SPEF2: variants seen among roughly 807,000 people sequenced by gnomAD.
SPEF2 encodes sperm flagella and cilia-associated protein 2.
SPEF2 carries 187 observed loss-of-function variants against 224.6 expected under a neutral mutation model. The observed-to-expected ratio is 0.83, with a 90% CI of 0.74 to 0.94. The LOEUF is 0.94. Ranked by LOEUF, SPEF2 falls within the 40% of genes least tolerant of loss-of-function variation. SPEF2 has a pLI of 0.00. For missense variants in SPEF2, 2,170 were observed against 2,135.6 expected (o/e 1.02, Z -0.32); for synonymous variants, 715 against 707.3 (o/e 1.01, Z -0.17).
At chr5:35,769,435 C>A (rs58062754) in intron 26 of SPEF2, among the ~76,000 whole-genome samples, 49,781 of 151,318 alleles carry the variant, frequency 0.33, 8,268 homozygotes, top group African/African-American at 0.34. Flanking sequence ...ACAAAAAAAA[C>A]CACAAAGAAA....
intron 10 of SPEF2, among the ~76,000 whole-genome samples, chr5:35,680,339 T>A (rs1333593887): frequency 6.6e-6 from 1 of 152,232 alleles, no homozygotes. Flanking sequence ...TTTTGCTAGC[T>A]TCTGTCTATG....
rs1166207334 is a variant in SPEF2 at position 35,764,627 on chromosome 5, A to G, written c.3801+925A>G. The G allele has an allele frequency of 2.0e-5, 9 of 456,100 alleles. No homozygotes were observed. In the Admixed American group the frequency reaches 2.1e-4, roughly 11 times the overall value. 28.3% of individuals were successfully genotyped at this position (456,100 alleles called of 1,614,324 possible). ...CATGAAATATCGCATTCAAACAGAA[A>G]GCAGCATCAACTTTCCAAAAGATTT... On this transcript the variant is annotated intron_variant, in intron 26 of 36. Coordinates refer to ENST00000356031, the MANE Select transcript of SPEF2 (RefSeq NM_024867.4).
chr5:35,618,184 C>G, intron 1 of SPEF2, 129 bp downstream of exon 1: 1 of 973,112 alleles, frequency 1.0e-6, no homozygotes, highest in East Asian at 2.6e-5. Context: ...CCTGCGTAGC[C>G]GGCAGCATCC....
intron 16 of SPEF2, among the ~76,000 whole-genome samples, chr5:35,703,612 T>C (rs1266882490): frequency 2.0e-5 from 3 of 151,364 alleles, no homozygotes; most frequent in Non-Finnish European, 4.4e-5. Context: ...GGTTGGGAGG[T>C]TGGAGAGAGA....
intron 25 of SPEF2, 61 bp downstream of exon 25, chr5:35,759,780 AT>A (rs1221885390): frequency 7.2e-7 from 1 of 1,388,026 alleles, no homozygotes; most frequent in African/African-American, 1.4e-5. Flanking sequence ...GTGATTTAAA[AT>A]TAATTACCAC....
At chr5:35,761,240 TA>T (rs1751243758) in intron 25 of SPEF2, among the ~76,000 whole-genome samples, 1 of 152,208 alleles carries the variant, frequency 6.6e-6, no homozygotes, top group Non-Finnish European at 1.5e-5. Context: ...TGTATGTAAA[TA>T]AATTAAGACA....
intron 8 of SPEF2, among the ~76,000 whole-genome samples, chr5:35,659,549 C>T (rs1749422930): frequency 6.6e-6 from 1 of 152,114 alleles, no homozygotes; most frequent in Non-Finnish European, 1.5e-5. Context: ...ACCATATTCC[C>T]TGAGTTCTTA....
At chr5:35,643,529 GA>G in intron 3 of SPEF2, 1 of 456,002 alleles carries the variant, frequency 2.2e-6, no homozygotes, top group Non-Finnish European at 4.4e-6. Context: ...TATCAGTTGA[GA>G]AAAAGAGTCA....
chr5:35,663,632 A>G (rs1215228157), intron 8 of SPEF2, among the ~76,000 whole-genome samples: 1 of 152,154 alleles, frequency 6.6e-6, no homozygotes, highest in Non-Finnish European at 1.5e-5. Flanking sequence ...TTTCTACTGC[A>G]GTACTACTAC....
intron 29 of SPEF2, 29 bp from the exon 30 acceptor site, chr5:35,779,088 G>T (rs771478514): frequency 1.3e-6 from 2 of 1,545,766 alleles, no homozygotes; most frequent in Non-Finnish European, 1.8e-6. Context: ...CTTTCATGGG[G>T]TTAACGCTAT....
chr5:35,740,357 G>A lies in SPEF2; in HGVS notation c.3330+90G>A, dbSNP rs1580530716. On this transcript the variant is annotated intron_variant, in intron 23 of 36. Coordinates refer to ENST00000356031, the MANE Select transcript of SPEF2 (RefSeq NM_024867.4). Reference sequence around the variant, plus strand: ...CAACTCATTTGCTCCTTACTTTTGTGAAGTATGAGGATGAGAAAGAAAATG... The same window carrying A: ...CAACTCATTTGCTCCTTACTTTTGTAAAGTATGAGGATGAGAAAGAAAATG... The A allele has an allele frequency of 5.3e-6, 8 of 1,501,870 alleles. No homozygotes were observed. The East Asian group carries it at 1.8e-4, about 34-fold the overall frequency. 93.0% of individuals were successfully genotyped at this position (1,501,870 alleles called of 1,614,324 possible).
chr5:35,761,257 T>A (rs1403010396), intron 25 of SPEF2, among the ~76,000 whole-genome samples: 1 of 152,190 alleles, frequency 6.6e-6, no homozygotes, highest in Non-Finnish European at 1.5e-5. Context: ...AGACAATTTA[T>A]TTGTTGTCAA....
chr5:35,622,390 T>G (rs1009396822), intron 1 of SPEF2, among the ~76,000 whole-genome samples: 2 of 152,206 alleles, frequency 1.3e-5, no homozygotes, highest in Admixed American at 6.5e-5. Flanking sequence ...ATATTTATTT[T>G]TATGCAATAG....
At chr5:35,654,808 A>G in intron 7 of SPEF2, 82 bp downstream of exon 7, 2 of 1,235,186 alleles carry the variant, frequency 1.6e-6, no homozygotes, top group Middle Eastern at 2.0e-4. Context: ...TATGTAGTTT[A>G]TATATGTATT....
chr5:35,753,486 T>C, intron 23 of SPEF2, 138 bp from the exon 24 acceptor site: 8 of 1,114,744 alleles, frequency 7.2e-6, no homozygotes, highest in Non-Finnish European at 1.0e-5. Context: ...AATGAGCACA[T>C]ACAATACAGG....
intron 8 of SPEF2, among the ~76,000 whole-genome samples, chr5:35,661,000 C>A (rs1034409051): frequency 6.6e-6 from 1 of 151,898 alleles, no homozygotes; most frequent in African/African-American, 2.4e-5. Context: ...TGGCATCTCT[C>A]CCTTAGAGAT....
chr5:35,752,284 A>G (rs1749783739), intron 23 of SPEF2, among the ~76,000 whole-genome samples: 1 of 152,048 alleles, frequency 6.6e-6, no homozygotes, highest in Non-Finnish European at 1.5e-5. Context: ...ATAAATGTTT[A>G]GTGAATTATT....
rs142492880 is a variant in SPEF2, at chr5:35,798,391, G to A, written c.4831-1577G>A. On this transcript the variant is annotated intron_variant, in intron 33 of 36. Transcript: ENST00000356031. Reference sequence around the variant, plus strand: ...TGATCAAGCATGCAAGGCCTGCCCCGACCTTGGGAGTTCAGCCTCAGCAGC... The same window carrying A: ...TGATCAAGCATGCAAGGCCTGCCCCAACCTTGGGAGTTCAGCCTCAGCAGC... Among the ~76,000 whole-genome samples the A allele has an allele frequency of 1.5e-4, 23 of 152,164 alleles. No individual in the cohort carries two copies. In the South Asian group the frequency reaches 2.3e-3, roughly 15 times the overall value.
At chr5:35,697,333 A>G (rs1755476883) in intron 14 of SPEF2, among the ~76,000 whole-genome samples, 3 of 152,240 alleles carry the variant, frequency 2.0e-5, no homozygotes, top group Non-Finnish European at 4.4e-5. Flanking sequence ...TCACTGGTCA[A>G]GGGCCATGTT....
Sources: allele counts gnomAD v4.1 joint callset (sites outside exome capture counted in the v4.1 genomes callset), GRCh38; gene constraint gnomAD v4.1.1; transcripts MANE v1.5; gene names NCBI Gene and HGNC (gene_info 2026-07-23, HGNC 2026-07-21).